Variants in UGT2A2 observed in about 807,000 individuals in gnomAD.
UGT2A2 encodes UDP glucuronosyltransferase family 2 member A2.
UGT2A2 carries 60 observed loss-of-function variants against 50.7 expected under a neutral mutation model. The observed-to-expected ratio is 1.18, with a 90% CI of 0.96 to 1.47. The LOEUF (loss-of-function observed/expected upper bound fraction) is 1.47, where lower values mean the gene tolerates loss of function less well. Among genes scored for constraint, UGT2A2 ranks in the 40% most tolerant of loss-of-function variants. The probability of loss-of-function intolerance (pLI) is 0.00; values close to 1 mark genes in which losing one functional copy is unlikely to be tolerated. For missense variants in UGT2A2, 762 were observed against 634.0 expected (o/e 1.20, Z -2.17); for synonymous variants, 242 against 214.6 (o/e 1.13, Z -1.11).
In UGT2A2 at chr4:69,604,742, G is replaced by T. The variant is rs1455414410; in HGVS notation, c.743-5348C>A. Among the ~76,000 whole-genome samples the T allele has an allele frequency of 5.2e-5, 7 of 135,350 alleles. 3 individuals carry two copies. The highest frequency in any genetic ancestry group is 2.1e-4 in the African/African-American group (7 of 33,340). The allele number at this position is 135,350 out of a possible 152,430, so 88.8% of individuals were successfully genotyped here. A position where few individuals can be genotyped will look rare whatever the true frequency, so the allele number is the denominator to read the frequency against. On this transcript the variant is annotated intron_variant, in intron 1 of 5. Transcript: ENST00000604629. ...TGGAGGAAGATCTACCAAGCAAATG[G>T]AAAACAAAAAAAGGCAGGGGTTGCA...
Position 69,589,350 on chromosome 4 carries a change from T to C in UGT2A2, c.*22A>G. On this transcript the variant is annotated 3_prime_UTR_variant, in exon 6 of 6. Coordinates refer to ENST00000604629, the MANE Select transcript of UGT2A2 (RefSeq NM_001105677.2). ...GGATTTTGCCAAACTTAAAAATATA[T>C]ATATTTCCTCTTTTTCTTGACCTAT... 6.3e-7 allele frequency: 1 copy of C among 1,586,610 alleles called. No homozygotes were observed. Among genetic ancestry groups the C allele is most frequent in the South Asian group, 1.1e-5 (1 of 87,338 alleles).
chr4:69,635,464 G>C (rs967860104), intron 1 of UGT2A2, among the ~76,000 whole-genome samples: 5 of 152,160 alleles, frequency 3.3e-5, no homozygotes, highest in African/African-American at 1.2e-4. Context: ...CTGCAGCAAA[G>C]GCTAGTCTCA....
rs1721881802 is a variant in UGT2A2 at position 69,638,942 on chromosome 4, C to T, written c.699G>A (p.Gln233=). ...ISYSLQDYIF[Q]SYWGEWNSYY... ...ATGAATTCCATTCTCCCCAGTAGGACTGAAATATATAGTCTTGCAGAGAAT... is the reference window on the plus strand; with the variant it reads ...ATGAATTCCATTCTCCCCAGTAGGATTGAAATATATAGTCTTGCAGAGAAT... Residue 233 remains glutamine (Q), a synonymous_variant, in exon 1 of 6, where the codon CAG becomes CAA. Coordinates refer to ENST00000604629, the MANE Select transcript of UGT2A2 (RefSeq NM_001105677.2). 2 of 1,611,598 alleles carry T rather than the reference C, an allele frequency of 1.2e-6. No individual in the cohort carries two copies. Among genetic ancestry groups the T allele is most frequent in the Non-Finnish European group, 1.7e-6 (2 of 1,178,910 alleles).
intron 1 of UGT2A2, among the ~76,000 whole-genome samples, chr4:69,617,280 G>T (rs1295141561): frequency 6.6e-6 from 1 of 151,850 alleles, no homozygotes; most frequent in Non-Finnish European, 1.5e-5. Flanking sequence ...TTTAGGATCT[G>T]CTGCCCTCCT....
chr4:69,609,151 T>C (rs1446524238), intron 1 of UGT2A2, among the ~76,000 whole-genome samples: 1 of 91,912 alleles, frequency 1.1e-5, no homozygotes, highest in Non-Finnish European at 2.2e-5. Context: ...CTAGAATATA[T>C]AAGATTTTTT....
chr4:69,595,129 C>T (rs756153458), intron 4 of UGT2A2, 33 bp downstream of exon 4: 3 of 1,611,342 alleles, frequency 1.9e-6, no homozygotes, highest in Non-Finnish European at 2.5e-6. Context: ...TCTATTGTCC[C>T]ACTGTACAGC....
At chr4:69,618,674 G>T (rs555039169) in intron 1 of UGT2A2, among the ~76,000 whole-genome samples, 10 of 151,772 alleles carry the variant, frequency 6.6e-5, no homozygotes, top group African/African-American at 1.9e-4. Flanking sequence ...ATTCAACTTT[G>T]GTTAAAATTT....
At chr4:69,595,122 A>C (rs373408682) in intron 4 of UGT2A2, 40 bp downstream of exon 4, 3 of 1,610,130 alleles carry the variant, frequency 1.9e-6, no homozygotes, top group Non-Finnish European at 1.7e-6. Context: ...TAACTTGTCT[A>C]TTGTCCCACT....
intron 1 of UGT2A2, among the ~76,000 whole-genome samples, chr4:69,630,677 A>G (rs1721332062): frequency 1.3e-5 from 2 of 152,180 alleles, no homozygotes; most frequent in African/African-American, 4.8e-5. Context: ...GTCACAAAAT[A>G]AAAACCATTT....
Position 69,602,995 on chromosome 4 carries a change from A to C in UGT2A2, c.743-3601T>G, listed in dbSNP as rs1192531327. Among the ~76,000 whole-genome samples the C allele has an allele frequency of 2.2e-5, 3 of 135,368 alleles. 1 individual carries two copies. The highest frequency in any genetic ancestry group is 1.5e-4 in the Admixed American group (2 of 13,662). 88.8% of individuals were successfully genotyped at this position (135,368 alleles called of 152,430 possible). A position where few individuals can be genotyped will look rare whatever the true frequency, so the allele number is the denominator to read the frequency against. On this transcript the variant is annotated intron_variant, in intron 1 of 5. Coordinates refer to ENST00000604629, the MANE Select transcript of UGT2A2 (RefSeq NM_001105677.2). ...AGGCAGAGAATTGCTTGAACCCGGG[A>C]GGAGGAGGTTGCAGTGAGCCAAGAT...
intron 2 of UGT2A2, 142 bp downstream of exon 2, chr4:69,599,104 C>G: frequency 8.0e-7 from 1 of 1,252,646 alleles, no homozygotes; most frequent in East Asian, 2.6e-5. Context: ...TTGTAGGAGA[C>G]CTCTATCACA....
intron 1 of UGT2A2, among the ~76,000 whole-genome samples, chr4:69,600,114 G>A (rs771284526): frequency 7.2e-5 from 11 of 152,168 alleles, no homozygotes; most frequent in Non-Finnish European, 1.2e-4. Flanking sequence ...CTGTGAGCCA[G>A]GTGAAAAACC....
chr4:69,609,170 T>G (rs1719875445), intron 1 of UGT2A2, among the ~76,000 whole-genome samples: 1 of 148,612 alleles, frequency 6.7e-6, no homozygotes, highest in Non-Finnish European at 1.5e-5. Flanking sequence ...TTTTTTTTTT[T>G]GACACAGCGT....
intron 1 of UGT2A2, among the ~76,000 whole-genome samples, chr4:69,622,100 C>G (rs1032386392): frequency 6.6e-6 from 1 of 151,742 alleles, no homozygotes; most frequent in African/African-American, 2.4e-5. Context: ...GTACAACCAA[C>G]CCCTGTGTAC....
chr4:69,594,734 A>T, intron 4 of UGT2A2, 38 bp from the exon 5 acceptor site: 1 of 1,586,990 alleles, frequency 6.3e-7, no homozygotes, highest in Non-Finnish European at 8.6e-7. Context: ...GTGTGTAATA[A>T]TAACACATTA....
Position 69,634,272 on chromosome 4 carries a change from A to AC in UGT2A2, c.742+4626_742+4627insG, listed in dbSNP as rs1039476346. Among the ~76,000 whole-genome samples the AC allele has an allele frequency of 1.1e-4, 16 of 149,024 alleles. 1 individual carries two copies. The highest frequency in any genetic ancestry group is 2.7e-4 in the Admixed American group (4 of 15,014). On this transcript the variant is annotated intron_variant, in intron 1 of 5. Coordinates refer to ENST00000604629, the MANE Select transcript of UGT2A2 (RefSeq NM_001105677.2). ...AAATCAAACAAAACAAAACAAAACA[A>AC]AACAACAACAACAACAAAAACCCAC...
chr4:69,589,714 A>G (rs546585927), intron 5 of UGT2A2, 63 bp from the exon 6 acceptor site: 1 of 1,553,190 alleles, frequency 6.4e-7, no homozygotes, highest in African/African-American at 1.4e-5. Context: ...TTGAAGATAA[A>G]TATGTGATAC....
At chr4:69,626,291 A>G (rs911611910) in intron 1 of UGT2A2, among the ~76,000 whole-genome samples, 1 of 151,428 alleles carries the variant, frequency 6.6e-6, no homozygotes, top group East Asian at 1.9e-4. Context: ...TTATTCCACC[A>G]AAGAGGCCAT....
rs528149193 is a variant in UGT2A2, at chr4:69,606,004, G to A, written c.743-6610C>T. Reference sequence around the variant, plus strand: ...AATTCTACCAGAAGTACAAGGAGGAGCTGGTACCATTCCTTCTGAAACTAT... The same window carrying A: ...AATTCTACCAGAAGTACAAGGAGGAACTGGTACCATTCCTTCTGAAACTAT... On this transcript the variant is annotated intron_variant, in intron 1 of 5. Transcript: ENST00000604629. 2.9e-5 allele frequency among the ~76,000 whole-genome samples: 4 copies of A among 136,578 alleles called. No individual in the cohort carries two copies. In the East Asian group the frequency reaches 8.2e-4, roughly 28 times the overall value. 89.6% of individuals were successfully genotyped at this position (136,578 alleles called of 152,430 possible).
Sources: allele counts gnomAD v4.1 joint callset (sites outside exome capture counted in the v4.1 genomes callset), GRCh38; gene constraint gnomAD v4.1.1; transcripts MANE v1.5; gene names NCBI Gene and HGNC (gene_info 2026-07-23, HGNC 2026-07-21).